FMN1: variants seen among roughly 807,000 people sequenced by gnomAD.
The protein encoded by FMN1 is formin-1.
FMN1 carries 110 observed loss-of-function variants against 132.4 expected under a neutral mutation model. That is an observed-to-expected ratio of 0.83 (90% CI 0.71 to 0.97). The LOEUF (loss-of-function observed/expected upper bound fraction) is 0.97, where lower values mean the gene tolerates loss of function less well. Among genes scored for constraint, FMN1 ranks in the 50% least tolerant of loss-of-function variants. FMN1 has a pLI of 0.00. For missense variants in FMN1, 1,792 were observed against 1,705.3 expected (o/e 1.05, Z -0.90); for synonymous variants, 722 against 651.7 (o/e 1.11, Z -1.64).
chr15:32,841,128 A>G (rs1158306437), intron 17 of FMN1, among the ~76,000 whole-genome samples: 3 of 152,126 alleles, frequency 2.0e-5, no homozygotes, highest in Admixed American at 6.5e-5. Context: ...CAGCTCATTG[A>G]TCTTGGGTTG....
chr15:32,972,740 T>C (rs1439362354), intron 7 of FMN1, among the ~76,000 whole-genome samples: 1 of 152,212 alleles, frequency 6.6e-6, no homozygotes, highest in East Asian at 1.9e-4. Context: ...CATATACTCA[T>C]ATAAATGACA....
At chr15:32,869,913 GA>G (rs940818975) in intron 16 of FMN1, among the ~76,000 whole-genome samples, 5 of 152,198 alleles carry the variant, frequency 3.3e-5, no homozygotes, top group Non-Finnish European at 7.3e-5. Context: ...GGGGTGCGGG[GA>G]AAAAGCCAGC....
rs117933960 is a variant in FMN1 at position 33,113,734 on chromosome 15, G to T, written c.1868-24760C>A. Among the ~76,000 whole-genome samples the T allele has an allele frequency of 3.9e-3, 591 of 152,168 alleles. 2 individuals are homozygous for T. The highest frequency in any genetic ancestry group is 6.5e-3 in the Non-Finnish European group (439 of 67,998). Reference sequence around the variant, plus strand: ...GTTGAACACTGTGCATTGGATTCCTGGTGCTCCACCTCAGAGCCAGCTTCC... The same window carrying T: ...GTTGAACACTGTGCATTGGATTCCTTGTGCTCCACCTCAGAGCCAGCTTCC... On this transcript the variant is annotated intron_variant, in intron 4 of 20. Coordinates refer to ENST00000616417, the MANE Select transcript of FMN1 (RefSeq NM_001277313.2).
intron 16 of FMN1, among the ~76,000 whole-genome samples, chr15:32,883,377 G>GTA (rs1343775095): frequency 2.0e-5 from 3 of 151,764 alleles, no homozygotes; most frequent in Non-Finnish European, 4.4e-5. Context: ...GGGCGTGGTG[G>GTA]TATACATCTG....
At chr15:32,810,405 C>T (rs1469086116) in intron 17 of FMN1, among the ~76,000 whole-genome samples, 1 of 152,152 alleles carries the variant, frequency 6.6e-6, no homozygotes, top group Non-Finnish European at 1.5e-5. Context: ...CATCCTATGT[C>T]CTGCTTTTAG....
chr15:33,178,871 A>G (rs1965604094), intron 3 of FMN1, among the ~76,000 whole-genome samples: 1 of 152,230 alleles, frequency 6.6e-6, no homozygotes, highest in Non-Finnish European at 1.5e-5. Flanking sequence ...CTATTTGATT[A>G]AAGCCTCTCT....
At chr15:33,061,517 C>T (rs922668103) in intron 6 of FMN1, among the ~76,000 whole-genome samples, 2 of 151,940 alleles carry the variant, frequency 1.3e-5, no homozygotes, top group African/African-American at 4.8e-5. Context: ...ATAAGACACG[C>T]TCCTCGTGAA....
At chr15:32,883,268 C>G (rs2059813560) in intron 16 of FMN1, among the ~76,000 whole-genome samples, 1 of 151,996 alleles carries the variant, frequency 6.6e-6, no homozygotes, top group African/African-American at 2.4e-5. Flanking sequence ...TATGGGAGGC[C>G]AAGGCCGGAG....
At chr15:32,998,169 C>T (rs899245533) in intron 7 of FMN1, among the ~76,000 whole-genome samples, 2 of 152,180 alleles carry the variant, frequency 1.3e-5, no homozygotes, top group African/African-American at 2.4e-5. Context: ...AATGAATAAA[C>T]GTCTCTGGGC....
chr15:32,840,583 C>G (rs2058724736), intron 17 of FMN1, among the ~76,000 whole-genome samples: 1 of 152,234 alleles, frequency 6.6e-6, no homozygotes, highest in African/African-American at 2.4e-5. Flanking sequence ...GGATTCCACA[C>G]ACAGGCAAGT....
chr15:33,018,855 G>A (rs150003987), intron 6 of FMN1, among the ~76,000 whole-genome samples: 28 of 152,266 alleles, frequency 1.8e-4, no homozygotes, highest in Middle Eastern at 6.8e-3. Context: ...CAGCTCTTAA[G>A]GCAGCACGTC....
chr15:33,081,280 G>A (rs954066549), intron 5 of FMN1, among the ~76,000 whole-genome samples: 7 of 152,156 alleles, frequency 4.6e-5, no homozygotes, highest in Non-Finnish European at 1.0e-4. Context: ...ACCTGCATTT[G>A]TAACATTTCC....
intron 4 of FMN1, among the ~76,000 whole-genome samples, chr15:33,128,508 C>T (rs142864346): frequency 6.6e-6 from 1 of 152,362 alleles, no homozygotes; most frequent in East Asian, 1.9e-4. Flanking sequence ...AGAGTCATTA[C>T]ACTGAGAATG....
chr15:32,807,294 G>A (rs1444917298), intron 17 of FMN1, among the ~76,000 whole-genome samples: 12 of 152,220 alleles, frequency 7.9e-5, no homozygotes, highest in African/African-American at 2.9e-4. Context: ...ATTTTAGGCA[G>A]ACGGAAGCCA....
At chr15:33,185,864 G>A (rs888696433) in intron 2 of FMN1, among the ~76,000 whole-genome samples, 2 of 152,048 alleles carry the variant, frequency 1.3e-5, no homozygotes, top group Admixed American at 1.3e-4. Flanking sequence ...GAGCCCCTGT[G>A]CCTAGTCAGG....
At chr15:32,892,018 T>G (rs1280747439) in intron 15 of FMN1, among the ~76,000 whole-genome samples, 3 of 150,902 alleles carry the variant, frequency 2.0e-5, no homozygotes, top group Non-Finnish European at 4.4e-5. Flanking sequence ...CAGTTTGAAC[T>G]CCTCTTTACT....
intron 4 of FMN1, among the ~76,000 whole-genome samples, chr15:33,122,073 GAAT>G (rs1002588837): frequency 6.6e-6 from 1 of 152,138 alleles, no homozygotes; most frequent in Non-Finnish European, 1.5e-5. Flanking sequence ...GACAAATAAA[GAAT>G]ACTACTCTGG....
At chr15:33,066,421 G>A (rs2037727571) in intron 5 of FMN1, 2 of 1,074,312 alleles carry the variant, frequency 1.9e-6, no homozygotes, top group African/African-American at 1.6e-5. Flanking sequence ...ATCACTAACA[G>A]GCAACTAGGA....
At chr15:33,184,514 T>C (rs1412974527) in intron 2 of FMN1, among the ~76,000 whole-genome samples, 2 of 151,516 alleles carry the variant, frequency 1.3e-5, no homozygotes, top group East Asian at 1.9e-4. Flanking sequence ...TTTTTTTTTT[T>C]CCCTGAGACA....
Sources: gnomAD v4.1 joint callset for allele counts (sites outside exome capture counted in the v4.1 genomes callset) on GRCh38, gnomAD v4.1.1 for gene constraint, MANE v1.5 for transcripts, NCBI Gene and HGNC (gene_info 2026-07-23, HGNC 2026-07-21) for gene names.